Variants in BANP observed in about 807,000 individuals in gnomAD.
BANP encodes the protein BTG3 associated nuclear protein, also known as protein BANP.
In BANP, 11 loss-of-function variants were observed where a neutral mutation model predicts 68.1. The ratio of observed to expected loss-of-function variants is 0.16; its 90% CI spans 0.10 to 0.27. The LOEUF (loss-of-function observed/expected upper bound fraction) is 0.27, where lower values mean the gene tolerates loss of function less well. Ranked by LOEUF, BANP falls within the 10% of genes least tolerant of loss-of-function variation. The pLI, the probability that BANP is intolerant of heterozygous loss-of-function variation, is 1.00. For missense variants in BANP, 504 were observed against 722.7 expected, an observed-to-expected ratio of 0.70 and a Z score of 3.47; for synonymous variants, 329 against 303.2, an observed-to-expected ratio of 1.09 and a Z score of -0.88.
At chr16:88,043,379 C>T (rs995199803) in intron 11 of BANP, among the ~76,000 whole-genome samples, 3 of 152,142 alleles carry the variant, frequency 2.0e-5, no homozygotes, top group Admixed American at 6.5e-5. Context: ...AGAAATGGCT[C>T]CTTCGTCAGC....
At chr16:87,976,978 C>T (rs751231824) in intron 2 of BANP, among the ~76,000 whole-genome samples, 1 of 152,222 alleles carries the variant, frequency 6.6e-6, no homozygotes, top group Non-Finnish European at 1.5e-5. Context: ...CATTAAAGTT[C>T]TGACAGCCTA....
intron 1 of BANP, among the ~76,000 whole-genome samples, chr16:87,959,627 G>T (rs2058737463): frequency 6.6e-6 from 1 of 152,244 alleles, no homozygotes; most frequent in South Asian, 2.1e-4. Context: ...GCTGCAGCCC[G>T]TGTGGTTTTG....
chr16:88,029,436 C>G (rs149447680), intron 8 of BANP, among the ~76,000 whole-genome samples: 1 of 151,548 alleles, frequency 6.6e-6, no homozygotes, highest in African/African-American at 2.4e-5. Context: ...GGTGAAACCC[C>G]GTCTCTACTA....
At position 88,072,201 on chromosome 16, in the gene BANP, G is replaced by T; in HGVS notation, c.1510G>T (p.Ala504Ser). 6.2e-7 allele frequency: 1 copy of T among 1,610,116 alleles called. No homozygotes were observed. Among genetic ancestry groups the T allele is most frequent in the South Asian group, 1.1e-5 (1 of 90,908 alleles). ...VQLAPVSDHT[A>S]GAQTAEALQP... Reference sequence around the variant, plus strand: ...GCTGGCGCCAGTGAGTGACCACACGGCCGGGGCACAGGTGAGTCTGGGGCC... The same window carrying T: ...GCTGGCGCCAGTGAGTGACCACACGTCCGGGGCACAGGTGAGTCTGGGGCC... Residue 504 changes from alanine to serine, a missense_variant, in exon 13 of 14, where the codon GCC becomes TCC. Transcript: ENST00000682872.
chr16:87,978,521 G>A, intron 2 of BANP: 5 of 439,132 alleles, frequency 1.1e-5, no homozygotes, highest in South Asian at 1.7e-5. Flanking sequence ...ACAGGCACTT[G>A]TAGGCATGGA....
intron 10 of BANP, among the ~76,000 whole-genome samples, 189 bp downstream of exon 10, chr16:88,035,583 C>G (rs973646946): frequency 2.0e-5 from 3 of 152,246 alleles, no homozygotes; most frequent in African/African-American, 7.2e-5. Flanking sequence ...CTGCCTCCCC[C>G]TCCTGTCCGT....
At chr16:88,033,992 C>T (rs1234651729) in intron 9 of BANP, among the ~76,000 whole-genome samples, 8 of 152,208 alleles carry the variant, frequency 5.3e-5, no homozygotes, top group Non-Finnish European at 1.0e-4. Context: ...GTGGCACCAG[C>T]CCCCTTGGGC....
Position 88,004,209 on chromosome 16 carries a change from C to T in BANP, c.363-86C>T. The T allele has an allele frequency of 1.2e-6, 1 of 828,488 alleles. No homozygotes were observed. Among genetic ancestry groups the T allele is most frequent in the Non-Finnish European group, 2.0e-6 (1 of 498,130 alleles). 51.3% of individuals were successfully genotyped at this position (828,488 alleles called of 1,614,324 possible). A position where few individuals can be genotyped will look rare whatever the true frequency, so the allele number is the denominator to read the frequency against. On this transcript the variant is annotated intron_variant, in intron 4 of 13. Transcript: ENST00000682872. The surrounding 1 kb of genome is among the most constrained non-coding windows in gnomAD (Gnocchi z 7.0). ...CTCAGTGCGGGTCCCTGGGAGTGGA[C>T]TGTGTTGAATGACTCTTATGTGCTC...
chr16:88,015,841 C>T (rs2074517412), intron 6 of BANP, among the ~76,000 whole-genome samples: 1 of 152,258 alleles, frequency 6.6e-6, no homozygotes, highest in South Asian at 2.1e-4. Flanking sequence ...TGCCAGGAGG[C>T]CTGGCTGGCC....
intron 1 of BANP, among the ~76,000 whole-genome samples, chr16:87,973,645 G>A (rs909283061): frequency 9.3e-5 from 14 of 151,162 alleles, no homozygotes; most frequent in Non-Finnish European, 1.6e-4. Context: ...TGTAATCCCA[G>A]CTACTCAGGA....
chr16:88,030,582 C>T (rs939534106), intron 8 of BANP, among the ~76,000 whole-genome samples: 5 of 152,158 alleles, frequency 3.3e-5, no homozygotes, highest in Admixed American at 6.5e-5. Flanking sequence ...TGTTGGCCTG[C>T]GTCATTAGGA....
At chr16:87,965,536 G>A (rs538954037) in intron 1 of BANP, among the ~76,000 whole-genome samples, 54 of 151,810 alleles carry the variant, frequency 3.6e-4, no homozygotes, top group Middle Eastern at 3.4e-3. Context: ...GGAAGTGAGA[G>A]GGAGGAGAGC....
At chr16:87,978,923 A>C (rs1454212455) in intron 2 of BANP, among the ~76,000 whole-genome samples, 2 of 152,200 alleles carry the variant, frequency 1.3e-5, no homozygotes, top group Non-Finnish European at 2.9e-5. Flanking sequence ...TGTGGTCCCA[A>C]CCTCCTTCCT....
At chr16:88,047,395 G>C (rs755800784) in intron 11 of BANP, among the ~76,000 whole-genome samples, 3 of 152,236 alleles carry the variant, frequency 2.0e-5, no homozygotes, top group Non-Finnish European at 4.4e-5. Context: ...ATGCACGTCA[G>C]TGAATGGGCC....
At chr16:88,025,829 C>T (rs945708525) in intron 7 of BANP, among the ~76,000 whole-genome samples, 6 of 152,186 alleles carry the variant, frequency 3.9e-5, no homozygotes, top group African/African-American at 1.4e-4. Flanking sequence ...GTAGTTGAAA[C>T]GGGACACTTT....
intron 1 of BANP, among the ~76,000 whole-genome samples, chr16:87,973,249 G>A (rs2061435188): frequency 7.2e-6 from 1 of 139,314 alleles, no homozygotes; most frequent in Non-Finnish European, 1.7e-5. Context: ...CCAGTTATTT[G>A]TCATCAGCTC....
chr16:88,033,206 G>C lies in BANP; in HGVS notation c.1161G>C (p.Val387=), dbSNP rs761118913. ...LHYALANAQQ[V]QIHQIGEDGQ... ...ACGCGCTGGCCAACGCACAGCAGGT[G>C]CAGATCCACCAGATCGGAGAAGACG... The change falls in exon 9 of 14, where the codon GTG becomes GTC. Residue 387 remains valine (V), a synonymous_variant. Coordinates refer to ENST00000682872, the MANE Select transcript of BANP (RefSeq NM_001386991.1). The C allele has an allele frequency of 3.6e-5, 58 of 1,609,772 alleles. No homozygotes were observed. In the African/African-American group the frequency reaches 5.2e-4, roughly 14 times the overall value.
chr16:88,035,188 A>G (rs1209829724), intron 9 of BANP, 135 bp from the exon 10 acceptor site: 1 of 815,444 alleles, frequency 1.2e-6, no homozygotes, highest in Non-Finnish European at 2.0e-6. Flanking sequence ...CACAGACTAT[A>G]TTGCACTATT....
At chr16:88,015,604 G>C (rs1187095872) in intron 6 of BANP, among the ~76,000 whole-genome samples, 1 of 152,210 alleles carries the variant, frequency 6.6e-6, no homozygotes, top group Non-Finnish European at 1.5e-5. Context: ...TCCCTGCTTG[G>C]GGTCACCCGT....
Sources: allele counts gnomAD v4.1 joint callset (sites outside exome capture counted in the v4.1 genomes callset), GRCh38; gene constraint gnomAD v4.1.1; non-coding constraint Gnocchi (gnomAD v3.1); transcripts MANE v1.5; gene names NCBI Gene and HGNC (gene_info 2026-07-23, HGNC 2026-07-21).